RFT1: variants seen among roughly 807,000 people sequenced by gnomAD.
The protein encoded by RFT1 is RFT1 glycolipid translocator homolog, also known as man(5)GlcNAc(2)-PP-dolichol translocation protein RFT1.
A neutral mutation model predicts 62.2 loss-of-function variants in RFT1; 43 were observed. The ratio of observed to expected loss-of-function variants is 0.69; its 90% CI spans 0.54 to 0.89. The LOEUF is 0.89. Among genes scored for constraint, RFT1 ranks in the 40% least tolerant of loss-of-function variants. The pLI is 0.00. For missense variants in RFT1, 605 were observed against 649.9 expected, an observed-to-expected ratio of 0.93 and a Z score of 0.75; for synonymous variants, 262 against 264.6, an observed-to-expected ratio of 0.99 and a Z score of 0.10.
chr3:53,093,072 T>C (rs941083733), intron 11 of RFT1, among the ~76,000 whole-genome samples: 13 of 152,122 alleles, frequency 8.5e-5, no homozygotes, highest in Non-Finnish European at 1.6e-4. Context: ...CACAGAGAAG[T>C]TGAGTAATTT....
At chr3:53,114,660 G>A (rs1701743385) in intron 6 of RFT1, among the ~76,000 whole-genome samples, 1 of 152,144 alleles carries the variant, frequency 6.6e-6, no homozygotes, top group African/African-American at 2.4e-5. Flanking sequence ...CAATAGCTGG[G>A]TTGGTACTGA....
At chr3:53,121,654 G>T (rs1575501726) in intron 5 of RFT1, 45 bp downstream of exon 5, 1 of 1,452,078 alleles carries the variant, frequency 6.9e-7, no homozygotes, top group Non-Finnish European at 9.6e-7. Context: ...AAAACCAGTT[G>T]GAGAAACAAA....
At position 53,091,124 on chromosome 3, in the gene RFT1, G is replaced by A. The variant is rs1700975519; in HGVS notation, c.*779C>T. The A allele has an allele frequency of 6.6e-6, 1 of 152,410 alleles. No homozygotes were observed. The highest frequency in any genetic ancestry group is 2.4e-5 in the African/African-American group (1 of 41,458). The allele number at this position is 152,410 out of a possible 1,614,324, so 9.4% of individuals were successfully genotyped here. On this transcript the variant is annotated 3_prime_UTR_variant, in exon 13 of 13. Coordinates refer to ENST00000296292, the MANE Select transcript of RFT1 (RefSeq NM_052859.4). ...CCCTCAGGGACAAAGTGGCTCAACT[G>A]GATCACAGTTTTCTTCAAAGTCCGC... is the stretch of plus-strand genomic sequence containing the variant.
chr3:53,095,949 A>T (rs1219680262), intron 11 of RFT1, among the ~76,000 whole-genome samples: 1 of 152,176 alleles, frequency 6.6e-6, no homozygotes, highest in Non-Finnish European at 1.5e-5. Context: ...AGGCCAACAA[A>T]TCAGACAAAG....
At chr3:53,070,288 G>A in the RFT1 span, among the ~76,000 whole-genome samples, 3 of 151,052 alleles carry the variant, frequency 2.0e-5, no homozygotes, top group African/African-American at 4.9e-5. Flanking sequence ...GGTGGCTGAC[G>A]CCTGTAATCC....
At chr3:53,093,911 G>A (rs1369675806) in intron 11 of RFT1, among the ~76,000 whole-genome samples, 2 of 152,184 alleles carry the variant, frequency 1.3e-5, no homozygotes, top group African/African-American at 2.4e-5. Flanking sequence ...CGACTTGGGA[G>A]GCTGAGAGAG....
rs562794641 is a variant in RFT1, at chr3:53,104,386, CT to C, written c.958-290del. On this transcript the variant is annotated intron_variant, in intron 9 of 12. Coordinates refer to ENST00000296292, the MANE Select transcript of RFT1 (RefSeq NM_052859.4). ...CTCACTTTCCCCTCTGATATTTGTT[CT>C]TTTTTTTTTTTTTAAATAGAAATAG... Among the ~76,000 whole-genome samples the C allele has an allele frequency of 2.9e-3, 413 of 142,586 alleles. 2 individuals are homozygous for C. Among genetic ancestry groups the C allele is most frequent in the South Asian group, 0.016 (73 of 4,470 alleles). The allele number at this position is 142,586 out of a possible 152,430, so 93.5% of individuals were successfully genotyped here. A position where few individuals can be genotyped will look rare whatever the true frequency, so the allele number is the denominator to read the frequency against.
At chr3:53,101,072 AG>A (rs1701298576) in intron 10 of RFT1, among the ~76,000 whole-genome samples, 1 of 152,206 alleles carries the variant, frequency 6.6e-6, no homozygotes, top group South Asian at 2.1e-4. Flanking sequence ...TTAATACAAA[AG>A]ATCTCCATGC....
At chr3:53,070,499 T>C in the RFT1 span, among the ~76,000 whole-genome samples, 1 of 141,176 alleles carries the variant, frequency 7.1e-6, no homozygotes, top group South Asian at 2.3e-4. Context: ...CCTCCCGAGT[T>C]CAAGCAATTC....
chr3:53,123,746 T>C lies in RFT1; in HGVS notation c.244A>G (p.Thr82Ala), dbSNP rs1702031330. The C allele has an allele frequency of 6.2e-7, 1 of 1,613,888 alleles. No individual in the cohort carries two copies. The highest frequency in any genetic ancestry group is 1.3e-5 in the African/African-American group (1 of 74,910). Residue 82 changes from threonine (T) to alanine (A), a missense_variant, in exon 3 of 13, where the codon ACC becomes GCC. Physicochemically the swap from Thr to Ala is moderately conservative, Grantham distance 58. Coordinates refer to ENST00000296292, the MANE Select transcript of RFT1 (RefSeq NM_052859.4). ...CACGTTAGCCACAGCAGGTTGAGGG[T>C]CTGGCTCCAGTCTCGCTGGGTGCCC... is the stretch of plus-strand genomic sequence containing the variant. ...SGGTQRDWSQ[T>A]LNLLWLTVPL...
At chr3:53,069,677 G>A in the RFT1 span, among the ~76,000 whole-genome samples, 1 of 152,212 alleles carries the variant, frequency 6.6e-6, no homozygotes, top group Non-Finnish European at 1.5e-5. Context: ...TGCTGGGGGT[G>A]GGCACAGGCT....
At chr3:53,110,579 C>T (rs1011267000) in intron 7 of RFT1, among the ~76,000 whole-genome samples, 2 of 152,150 alleles carry the variant, frequency 1.3e-5, no homozygotes, top group Non-Finnish European at 2.9e-5. Context: ...GGTCCTATCC[C>T]TTATTCACAG....
In RFT1 at chr3:53,121,749, G is replaced by C; in HGVS notation, c.508C>G (p.Leu170Val). The change falls in exon 5 of 13, where the codon CTC becomes GTC. Residue 170 changes from leucine to valine, a missense_variant. Physicochemically the swap from Leu to Val is conservative, Grantham distance 32 (BLOSUM62 1). Coordinates refer to ENST00000296292, the MANE Select transcript of RFT1 (RefSeq NM_052859.4). ...CCCCAGTGAGGCAACCACAGCACGA[G>C]AAAAGCTGTCAGAACGCTCTTAAGA... ...VILKSVLTAF[L>V]VLWLPHWGLY... The C allele has an allele frequency of 2.5e-6, 4 of 1,614,116 alleles. No individual in the cohort carries two copies. Among genetic ancestry groups the C allele is most frequent in the Non-Finnish European group, 3.4e-6 (4 of 1,179,986 alleles).
intron 11 of RFT1, among the ~76,000 whole-genome samples, chr3:53,094,844 G>C (rs1345347206): frequency 6.6e-6 from 1 of 152,072 alleles, no homozygotes; most frequent in African/African-American, 2.4e-5. Flanking sequence ...AGGAGCTGAT[G>C]ATGGGGTCCA....
chr3:53,106,068 AC>A (rs1446179939), intron 8 of RFT1, among the ~76,000 whole-genome samples: 2 of 152,008 alleles, frequency 1.3e-5, no homozygotes, highest in Non-Finnish European at 2.9e-5. Flanking sequence ...CCCTGTCTCT[AC>A]AAAAATGGAA....
the RFT1 span, among the ~76,000 whole-genome samples, chr3:53,073,847 T>C: frequency 3.6e-4 from 55 of 152,114 alleles, no homozygotes; most frequent in Non-Finnish European, 6.2e-4. Flanking sequence ...CACAAAGCTC[T>C]AGGGAAGAGC....
In RFT1 at chr3:53,100,244, C is replaced by G. The variant is rs546673756; in HGVS notation, c.1103-758G>C. ...ACAAATCCAAAGTGAGAACCAGTGC[C>G]CATAATAGTATTTTCTTCTAAAACA... is the stretch of plus-strand genomic sequence containing the variant. On this transcript the variant is annotated intron_variant, in intron 10 of 12. Transcript: ENST00000296292. 2.6e-5 allele frequency among the ~76,000 whole-genome samples: 4 copies of G among 152,242 alleles called. No homozygotes were observed. In the South Asian group the frequency reaches 8.3e-4, roughly 32 times the overall value.
the RFT1 span, among the ~76,000 whole-genome samples, chr3:53,078,982 C>G: frequency 6.6e-6 from 1 of 152,224 alleles, no homozygotes; most frequent in African/African-American, 2.4e-5. Context: ...CTAGATCTCA[C>G]AAGGAGTAAA....
At chr3:53,068,945 G>T in the RFT1 span, among the ~76,000 whole-genome samples, 1 of 152,082 alleles carries the variant, frequency 6.6e-6, no homozygotes, top group Admixed American at 6.6e-5. Flanking sequence ...TTTGTTGTTT[G>T]TTTTTGTTTT....
Sources: gnomAD v4.1 joint callset for allele counts (sites outside exome capture counted in the v4.1 genomes callset) on GRCh38, gnomAD v4.1.1 for gene constraint, MANE v1.5 for transcripts, NCBI Gene and HGNC (gene_info 2026-07-23, HGNC 2026-07-21) for gene names.